LARS1: variants seen among roughly 807,000 people sequenced by gnomAD.
The protein encoded by LARS1 is leucyl-tRNA synthetase 1, also known as leucine--tRNA ligase, cytoplasmic.
Under a neutral mutation model 162.8 loss-of-function variants are expected in LARS1, and 100 were observed. The observed-to-expected ratio is 0.61, with a 90% CI of 0.52 to 0.73. The LOEUF (loss-of-function observed/expected upper bound fraction) is 0.73, where lower values mean the gene tolerates loss of function less well. LARS1 is among the 30% of genes least tolerant of loss of function. The probability of loss-of-function intolerance (pLI) is 0.00; values close to 1 mark genes in which losing one functional copy is unlikely to be tolerated. For synonymous variants in LARS1, 457 were observed against 462.8 expected (o/e 0.99, Z 0.16); for missense variants, 1,258 against 1,408.9 (o/e 0.89, Z 1.71).
intron 15 of LARS1, among the ~76,000 whole-genome samples, chr5:146,145,358 G>A (rs1189639853): frequency 1.3e-5 from 2 of 151,934 alleles, no homozygotes; most frequent in African/African-American, 4.8e-5. Context: ...TTGGATTACA[G>A]CCTTGAGCCA....
At position 146,128,963 on chromosome 5, in the gene LARS1, A is replaced by C; in HGVS notation, c.2769+15T>G. 2 of 1,569,766 alleles carry C rather than the reference A, an allele frequency of 1.3e-6. No homozygotes were observed. The highest frequency in any genetic ancestry group is 1.7e-6 in the Non-Finnish European group (2 of 1,166,444). ...AAGGAATAATCCTTTAAAAAAAAAA[A>C]CAAAAAAACTTTACCTTCCCTTTAG... is the stretch of plus-strand genomic sequence containing the variant. On this transcript the variant is annotated intron_variant, in intron 26 of 31. Coordinates refer to ENST00000394434, the MANE Select transcript of LARS1 (RefSeq NM_020117.11).
rs541036391 is a variant in LARS1 at position 146,157,237 on chromosome 5, G to A, written c.1065+166C>T. ...ATATCTTGATTTAGGTGGTGTTTACGTAAGTGTATATACATATGAAAATGC... is the reference window on the plus strand; with the variant it reads ...ATATCTTGATTTAGGTGGTGTTTACATAAGTGTATATACATATGAAAATGC... On this transcript the variant is annotated intron_variant, in intron 10 of 31. Transcript: ENST00000394434. Among the ~76,000 whole-genome samples the A allele has an allele frequency of 5.9e-5, 9 of 152,110 alleles. No homozygotes were observed. The East Asian group carries it at 7.7e-4, about 13-fold the overall frequency.
intron 6 of LARS1, 94 bp from the exon 7 acceptor site, chr5:146,160,580 C>T: frequency 5.3e-6 from 3 of 562,450 alleles, no homozygotes; most frequent in Non-Finnish European, 9.2e-6. Context: ...ACTCTTCTAA[C>T]TTAGAATCAG....
At chr5:146,169,676 G>A (rs1299258521) in intron 4 of LARS1, among the ~76,000 whole-genome samples, 1 of 151,946 alleles carries the variant, frequency 6.6e-6, no homozygotes, top group African/African-American at 2.4e-5. Context: ...AGCCTCCGAA[G>A]TAGCTGGAAT....
intron 24 of LARS1, chr5:146,130,539 C>A: frequency 5.2e-6 from 1 of 192,946 alleles, no homozygotes; most frequent in Non-Finnish European, 1.0e-5. Flanking sequence ...AACCACAACT[C>A]TGAAAACCAA....
chr5:146,153,348 A>T, intron 12 of LARS1, 121 bp from the exon 13 acceptor site: 1 of 715,344 alleles, frequency 1.4e-6, no homozygotes, highest in Non-Finnish European at 2.3e-6. Flanking sequence ...TCTCCTCTCC[A>T]TAGAGAGCAA....
At chr5:146,126,697 A>C in intron 27 of LARS1, 152 bp from the exon 28 acceptor site, 1 of 571,650 alleles carries the variant, frequency 1.7e-6, no homozygotes, top group Non-Finnish European at 3.2e-6. Context: ...GGGAAGTGAA[A>C]GCTCAATGAA....
chr5:146,132,678 T>G (rs546839939), intron 23 of LARS1: 42 of 387,714 alleles, frequency 1.1e-4, no homozygotes, highest in African/African-American at 8.5e-4. Context: ...GAGCTAATAA[T>G]ATCTGTATTA....
chr5:146,168,159 A>T lies in LARS1; in HGVS notation c.401T>A (p.Ile134Lys), dbSNP rs200281338. The part of the protein sequence containing the change: ...EEETSVKTED[I>K]IIKDKAKGKK... ...TCCTTTAGCTTTATCCTTAATTATT[A>T]TATCTTCTGTTTTAACACTGGTTTC... The change falls in exon 5 of 32, where the codon ATA becomes AAA. Residue 134 changes from isoleucine (I) to lysine (K), a missense_variant. Transcript: ENST00000394434. 1.3e-5 allele frequency: 21 copies of T among 1,609,030 alleles called. No homozygotes were observed. The highest frequency in any genetic ancestry group is 2.6e-6 in the Non-Finnish European group (3 of 1,176,108).
chr5:146,153,611 G>C (rs1309643687), intron 12 of LARS1, 123 bp downstream of exon 12: 2 of 701,090 alleles, frequency 2.9e-6, no homozygotes, highest in Admixed American at 2.7e-5. Flanking sequence ...CAAGAAACAA[G>C]TTAGAGATAG....
In LARS1 at chr5:146,161,233, T is replaced by A. The variant is rs914331621; in HGVS notation, c.595-747A>T. On this transcript the variant is annotated intron_variant, in intron 6 of 31. Transcript: ENST00000394434. ...CTGAGCCTTCAGTTGAGTTGTAATC[T>A]TTGTGCTGGTGGAGAGTCTTGCCTC... 3.9e-4 allele frequency among the ~76,000 whole-genome samples: 60 copies of A among 152,338 alleles called. 1 individual carries two copies. Among genetic ancestry groups the A allele is most frequent in the Non-Finnish European group, 6.8e-4 (46 of 68,036 alleles).
rs1255960502 is a variant in LARS1, at chr5:146,131,124, G to GA, written c.2397-16dup. On this transcript the variant is annotated splice_polypyrimidine_tract_variant and intron_variant, in intron 23 of 31. Transcript: ENST00000394434. ...CATTCAATTCACTATTGAATACGGG[G>GA]AAAAAAAGGTTATTGAGTTTAAAGG... 4 of 1,363,530 alleles carry GA rather than the reference G, an allele frequency of 2.9e-6. No homozygotes were observed. Among genetic ancestry groups the GA allele is most frequent in the Non-Finnish European group, 4.1e-6 (4 of 985,468 alleles). 84.5% of individuals were successfully genotyped at this position (1,363,530 alleles called of 1,614,324 possible). A position where few individuals can be genotyped will look rare whatever the true frequency, so the allele number is the denominator to read the frequency against.
chr5:146,137,698 TC>T (rs1752574574), intron 21 of LARS1: 1 of 198,986 alleles, frequency 5.0e-6, no homozygotes, highest in Non-Finnish European at 1.0e-5. Flanking sequence ...AAATAGCTCT[TC>T]CCATCATCTT....
chr5:146,139,872 CAAAAAAAAAAA>C (rs34203668), intron 21 of LARS1, among the ~76,000 whole-genome samples: 4 of 83,390 alleles, frequency 4.8e-5, no homozygotes, highest in African/African-American at 2.1e-4. Flanking sequence ...GACTCCGTCT[CAAAAAAAAAAA>C]AAAAAAAAAA....
At chr5:146,130,672 G>A (rs1459394457) in intron 24 of LARS1, 1 of 185,488 alleles carries the variant, frequency 5.4e-6, no homozygotes, top group Non-Finnish European at 1.1e-5. Flanking sequence ...CTCAGAAAAC[G>A]CTTGCTCTCA....
intron 28 of LARS1, among the ~76,000 whole-genome samples, chr5:146,125,722 C>T (rs139735689): frequency 4.0e-3 from 610 of 152,016 alleles, no homozygotes; most frequent in Non-Finnish European, 5.7e-3. Context: ...CCATAGCCTG[C>T]GATCTTAAGC....
chr5:146,180,468 C>T (rs1291851442), intron 1 of LARS1, among the ~76,000 whole-genome samples: 1 of 151,156 alleles, frequency 6.6e-6, no homozygotes, highest in African/African-American at 2.4e-5. Context: ...TGGGAGGCAC[C>T]ACTGCACTCC....
Position 146,114,044 on chromosome 5 carries a change from T to C in LARS1, c.*62A>G, listed in dbSNP as rs1740142822. 1.6e-6 allele frequency: 2 copies of C among 1,278,014 alleles called. No homozygotes were observed. The highest frequency in any genetic ancestry group is 2.3e-6 in the Non-Finnish European group (2 of 876,650). 79.2% of individuals were successfully genotyped at this position (1,278,014 alleles called of 1,614,324 possible). A position where few individuals can be genotyped will look rare whatever the true frequency, so the allele number is the denominator to read the frequency against. On this transcript the variant is annotated 3_prime_UTR_variant, in exon 32 of 32. Coordinates refer to ENST00000394434, the MANE Select transcript of LARS1 (RefSeq NM_020117.11). ...GCCTAAGGTTCTGATAGCCAATCAG[T>C]AGACACAATCAGAGTAGTAGTATTC...
intron 31 of LARS1, among the ~76,000 whole-genome samples, chr5:146,115,046 G>GAA (rs35008800): frequency 0.25 from 24,520 of 97,270 alleles, 2,715 homozygotes; most frequent in Admixed American, 0.33. Flanking sequence ...CTGTCGGGGG[G>GAA]AAAAAAAAAA....
Sources: allele counts gnomAD v4.1 joint callset (sites outside exome capture counted in the v4.1 genomes callset), GRCh38; gene constraint gnomAD v4.1.1; transcripts MANE v1.5; gene names NCBI Gene and HGNC (gene_info 2026-07-23, HGNC 2026-07-21).